TMPRSS11D: variants seen among roughly 807,000 people sequenced by gnomAD.
TMPRSS11D encodes transmembrane serine protease 11D, also known as transmembrane protease serine 11D.
In TMPRSS11D, 32 loss-of-function variants were observed where a neutral mutation model predicts 44.4. The observed-to-expected ratio is 0.72, with a 90% CI of 0.54 to 0.97. The LOEUF (loss-of-function observed/expected upper bound fraction) is 0.97. TMPRSS11D is among the 50% of genes least tolerant of loss of function. The probability of loss-of-function intolerance (pLI) is 0.00; values close to 1 mark genes in which losing one functional copy is unlikely to be tolerated. For missense variants in TMPRSS11D, 446 were observed against 502.6 expected (o/e 0.89, Z 1.08); for synonymous variants, 179 against 177.9 (o/e 1.01, Z -0.05).
rs1485875252 is a variant in TMPRSS11D, at chr4:67,822,151, C to G, written c.*186G>C. On this transcript the variant is annotated 3_prime_UTR_variant, in exon 10 of 10. Transcript: ENST00000283916. ...AGTACTATGCAACATTCATATAGTT[C>G]TCTGGAGAAAATAGAAAACCTTTAA... is the stretch of plus-strand genomic sequence containing the variant. 6 of 648,048 alleles carry G rather than the reference C, an allele frequency of 9.3e-6. No homozygotes were observed. The highest frequency in any genetic ancestry group is 1.6e-5 in the Non-Finnish European group (6 of 386,998). 40.1% of individuals were successfully genotyped at this position (648,048 alleles called of 1,614,324 possible). A position where few individuals can be genotyped will look rare whatever the true frequency, so the allele number is the denominator to read the frequency against.
chr4:67,856,547 G>A (rs1718640668), intron 2 of TMPRSS11D, among the ~76,000 whole-genome samples: 1 of 151,998 alleles, frequency 6.6e-6, no homozygotes, highest in Admixed American at 6.6e-5. Flanking sequence ...AAACATAGGG[G>A]AAACACTTCA....
Position 67,822,458 on chromosome 4 carries a change from C to T in TMPRSS11D, c.1136G>A (p.Arg379Gln), listed in dbSNP as rs752345853. 15 of 1,613,704 alleles carry T rather than the reference C, an allele frequency of 9.3e-6. No individual in the cohort carries two copies. The highest frequency in any genetic ancestry group is 1.7e-5 in the Admixed American group (1 of 59,938). Residue 379 changes from arginine to glutamine, a missense_variant, in exon 10 of 10, where the codon CGG (arginine) becomes CAG (glutamine). Physicochemically the swap from Arg to Gln is conservative, Grantham distance 43. Transcript: ENST00000283916. ...GGPLVQEDSR[R>Q]LWFIVGIVSW... ...TACTATCCCCACAATAAACCAAAGC[C>T]GCCGTGAGTCTTCTTGTACTAGTGG...
intron 7 of TMPRSS11D, among the ~76,000 whole-genome samples, chr4:67,829,066 G>C (rs1177451680): frequency 6.6e-6 from 1 of 151,896 alleles, no homozygotes; most frequent in East Asian, 1.9e-4. Context: ...AAATCACTAG[G>C]CATCCACCTT....
chr4:67,868,095 A>AATATAT (rs923681603), intron 1 of TMPRSS11D, among the ~76,000 whole-genome samples: 5 of 150,812 alleles, frequency 3.3e-5, no homozygotes, highest in African/African-American at 1.2e-4. Context: ...TAGATAGAGA[A>AATATAT]ATATATATAT....
intron 4 of TMPRSS11D, among the ~76,000 whole-genome samples, chr4:67,840,605 G>A (rs1718208467): frequency 6.6e-6 from 1 of 152,136 alleles, no homozygotes; most frequent in Admixed American, 6.6e-5. Context: ...GTATCTGATA[G>A]CACAACAGAG....
At chr4:67,838,770 C>A (rs1415146232) in intron 4 of TMPRSS11D, among the ~76,000 whole-genome samples, 1 of 152,018 alleles carries the variant, frequency 6.6e-6, no homozygotes, top group Admixed American at 6.6e-5. Context: ...TAAAAATAAT[C>A]TCCTAAACAA....
chr4:67,877,523 A>G (rs944940124), intron 1 of TMPRSS11D, among the ~76,000 whole-genome samples: 6 of 152,200 alleles, frequency 3.9e-5, no homozygotes, highest in African/African-American at 1.4e-4. Flanking sequence ...ATCCAGCTGT[A>G]TCTTTCACAT....
At chr4:67,872,321 C>T (rs1456073954) in intron 1 of TMPRSS11D, among the ~76,000 whole-genome samples, 1 of 152,002 alleles carries the variant, frequency 6.6e-6, no homozygotes, top group Admixed American at 6.6e-5. Context: ...CCTTTTTCCC[C>T]CTTTATTTTT....
chr4:67,838,090 C>G (rs1200395092), intron 5 of TMPRSS11D, 82 bp downstream of exon 5: 1 of 1,190,506 alleles, frequency 8.4e-7, no homozygotes, highest in African/African-American at 1.6e-5. Flanking sequence ...GAAAAGTCAG[C>G]CTCTCAATTA....
At chr4:67,838,959 T>A (rs1718168128) in intron 4 of TMPRSS11D, 1 of 152,104 alleles carries the variant, frequency 6.6e-6, no homozygotes, top group Non-Finnish European at 1.5e-5. Flanking sequence ...GTGACTTGAT[T>A]AAATATTTGG....
rs1045461395 is a variant in TMPRSS11D, at chr4:67,821,134, C to G, written c.*1203G>C. The G allele has an allele frequency of 6.6e-6, 1 of 152,322 alleles. No homozygotes were observed. Among genetic ancestry groups the G allele is most frequent in the Admixed American group, 6.5e-5 (1 of 15,296 alleles). 9.4% of individuals were successfully genotyped at this position (152,322 alleles called of 1,614,324 possible). ...ATGATCATGCATAGGCAAACTTTAG[C>G]TGTACTAGGAGCTCATAAAAACTCA... is the stretch of plus-strand genomic sequence containing the variant. On this transcript the variant is annotated 3_prime_UTR_variant, in exon 10 of 10. Transcript: ENST00000283916.
intron 4 of TMPRSS11D, 143 bp downstream of exon 4, chr4:67,842,415 G>A (rs1407867466): frequency 1.3e-6 from 1 of 743,702 alleles, no homozygotes; most frequent in African/African-American, 1.8e-5. Context: ...TTTTGGCATT[G>A]GTTTTTAAGC....
At chr4:67,824,437 G>A (rs1717737598) in intron 9 of TMPRSS11D, among the ~76,000 whole-genome samples, 1 of 152,012 alleles carries the variant, frequency 6.6e-6, no homozygotes, top group Admixed American at 6.6e-5. Flanking sequence ...TGGATTCTTT[G>A]GAAAGCTGTC....
At chr4:67,861,858 A>C (rs1466021757) in intron 1 of TMPRSS11D, among the ~76,000 whole-genome samples, 2 of 152,138 alleles carry the variant, frequency 1.3e-5, no homozygotes, top group Admixed American at 1.3e-4. Flanking sequence ...AGGAAATAGC[A>C]TGTTTCAACT....
At chr4:67,829,571 T>G (rs1047837563) in intron 7 of TMPRSS11D, among the ~76,000 whole-genome samples, 3 of 151,828 alleles carry the variant, frequency 2.0e-5, no homozygotes, top group African/African-American at 7.3e-5. Context: ...AGATATACCA[T>G]AGACAAGTTT....
chr4:67,826,394 C>T (rs1717793223), intron 8 of TMPRSS11D, among the ~76,000 whole-genome samples: 1 of 152,032 alleles, frequency 6.6e-6, no homozygotes, highest in African/African-American at 2.4e-5. Context: ...ACTATTAAGG[C>T]TTTGTATTAT....
At chr4:67,859,429 ATAAG>A (rs1718740435) in intron 2 of TMPRSS11D, 124 bp downstream of exon 2, 4 of 1,101,382 alleles carry the variant, frequency 3.6e-6, no homozygotes, top group East Asian at 2.7e-5. Flanking sequence ...GGGAAGAATT[ATAAG>A]TAAGATATAT....
At position 67,869,688 on chromosome 4, in the gene TMPRSS11D, A is replaced by T. The variant is rs141322516; in HGVS notation, c.9-10010T>A. On this transcript the variant is annotated intron_variant, in intron 1 of 9. Coordinates refer to ENST00000283916, the MANE Select transcript of TMPRSS11D (RefSeq NM_004262.3). ...TACTAGCATATGCTAATTCTTCAAG[A>T]GTTACTAATAATGAATGAAAACAAC... is the stretch of plus-strand genomic sequence containing the variant. Among the ~76,000 whole-genome samples the T allele has an allele frequency of 7.0e-3, 1,064 of 152,316 alleles. 4 individuals carry two copies. Among genetic ancestry groups the T allele is most frequent in the Non-Finnish European group, 0.01 (710 of 68,030 alleles).
intron 1 of TMPRSS11D, among the ~76,000 whole-genome samples, chr4:67,869,367 T>C (rs1017913657): frequency 2.0e-5 from 3 of 152,138 alleles, no homozygotes; most frequent in Non-Finnish European, 1.5e-5. Context: ...CCCATTACTA[T>C]AGCCTTAGGT....
Sources: allele counts gnomAD v4.1 joint callset (sites outside exome capture counted in the v4.1 genomes callset), GRCh38; gene constraint gnomAD v4.1.1; transcripts MANE v1.5; gene names NCBI Gene and HGNC (gene_info 2026-07-23, HGNC 2026-07-21).